TMEM132D: variants seen among roughly 807,000 people sequenced by gnomAD.
The protein encoded by TMEM132D is transmembrane protein 132D.
In TMEM132D, 21 loss-of-function variants were observed where a neutral mutation model predicts 62.3. The observed-to-expected ratio is 0.34, with a 90% CI of 0.24 to 0.49. The LOEUF (loss-of-function observed/expected upper bound fraction) is 0.49. TMEM132D is among the 20% of genes least tolerant of loss of function. The pLI is 0.99. For missense variants in TMEM132D, 1,346 were observed against 1,402.8 expected, an observed-to-expected ratio of 0.96 and a Z score of 0.65; for synonymous variants, 621 against 575.6, an observed-to-expected ratio of 1.08 and a Z score of -1.13.
chr12:129,621,030 T>C (rs1191154895), intron 2 of TMEM132D, among the ~76,000 whole-genome samples: 4 of 152,164 alleles, frequency 2.6e-5, no homozygotes, highest in African/African-American at 9.7e-5. Context: ...CATGCCCAGA[T>C]CCAAGCCCGC....
chr12:129,132,944 T>A (rs1876421741), intron 5 of TMEM132D, among the ~76,000 whole-genome samples: 1 of 152,128 alleles, frequency 6.6e-6, no homozygotes, highest in South Asian at 2.1e-4. Context: ...CACGTTGGAT[T>A]TGACTCAGCA....
chr12:129,283,902 C>T (rs551451044), intron 4 of TMEM132D, among the ~76,000 whole-genome samples: 3 of 152,224 alleles, frequency 2.0e-5, no homozygotes, highest in Non-Finnish European at 4.4e-5. Context: ...CCCCCTGACC[C>T]CTTGAATATG....
intron 2 of TMEM132D, 93 bp from the exon 3 acceptor site, chr12:129,531,298 G>A (rs1202294489): frequency 3.0e-5 from 43 of 1,436,036 alleles, no homozygotes; most frequent in Non-Finnish European, 3.8e-5. Flanking sequence ...ATTGCTCACC[G>A]TTGCCTGGCA....
intron 5 of TMEM132D, among the ~76,000 whole-genome samples, chr12:129,178,564 A>G (rs539986924): frequency 6.6e-6 from 1 of 152,246 alleles, no homozygotes; most frequent in African/African-American, 2.4e-5. Flanking sequence ...AAATTAAATA[A>G]AATAACATAA....
intron 2 of TMEM132D, among the ~76,000 whole-genome samples, chr12:129,611,846 C>T (rs921931771): frequency 1.3e-5 from 2 of 151,994 alleles, no homozygotes; most frequent in African/African-American, 4.8e-5. Context: ...TGAGCATAAA[C>T]CCTCAGCAAA....
At chr12:129,265,826 C>T (rs1479745240) in intron 4 of TMEM132D, among the ~76,000 whole-genome samples, 1 of 152,084 alleles carries the variant, frequency 6.6e-6, no homozygotes, top group African/African-American at 2.4e-5. Context: ...CAAATTTCTA[C>T]CTCCTCCCCT....
chr12:129,096,860 T>G (rs1875132038), intron 5 of TMEM132D, among the ~76,000 whole-genome samples: 1 of 152,190 alleles, frequency 6.6e-6, no homozygotes, highest in African/African-American at 2.4e-5. Context: ...AACAGAACAT[T>G]TTTACACAAC....
chr12:129,614,514 T>C (rs1461771487), intron 2 of TMEM132D, among the ~76,000 whole-genome samples: 1 of 152,214 alleles, frequency 6.6e-6, no homozygotes, highest in Admixed American at 6.5e-5. Flanking sequence ...TCCCTCTTAG[T>C]TCAAACAGTT....
chr12:129,242,726 A>G (rs545583773), intron 4 of TMEM132D, among the ~76,000 whole-genome samples: 7 of 141,708 alleles, frequency 4.9e-5, no homozygotes, highest in African/African-American at 1.6e-4. Flanking sequence ...TCTTCCTTCA[A>G]TTTTTCTTCT....
At chr12:129,286,511 C>G (rs940657281) in intron 4 of TMEM132D, among the ~76,000 whole-genome samples, 1 of 152,144 alleles carries the variant, frequency 6.6e-6, no homozygotes, top group African/African-American at 2.4e-5. Flanking sequence ...GGTAATCACA[C>G]TATGAGATTC....
chr12:129,348,217 G>A (rs972638479), intron 3 of TMEM132D, among the ~76,000 whole-genome samples: 14 of 152,060 alleles, frequency 9.2e-5, no homozygotes, highest in African/African-American at 3.1e-4. Context: ...ATATACCCAA[G>A]GGATTATAAA....
intron 5 of TMEM132D, among the ~76,000 whole-genome samples, chr12:129,113,817 C>CATTCTTG (rs1657108142): frequency 6.6e-6 from 1 of 151,812 alleles, no homozygotes; most frequent in Non-Finnish European, 1.5e-5. Context: ...TGGCCTGGGG[C>CATTCTTG]ATTCTTGGCT....
intron 2 of TMEM132D, among the ~76,000 whole-genome samples, chr12:129,652,055 G>A (rs1463784120): frequency 6.6e-6 from 1 of 152,178 alleles, no homozygotes; most frequent in Non-Finnish European, 1.5e-5. Flanking sequence ...AGGACCTGCA[G>A]CTCTCAGTCA....
At chr12:129,096,374 G>A (rs879333731) in intron 5 of TMEM132D, among the ~76,000 whole-genome samples, 5 of 152,244 alleles carry the variant, frequency 3.3e-5, no homozygotes, top group Middle Eastern at 3.4e-3. Context: ...ATCTGTGAAG[G>A]AGGAAGGGAA....
At chr12:129,780,134 G>A (rs538663399) in intron 1 of TMEM132D, among the ~76,000 whole-genome samples, 9 of 152,174 alleles carry the variant, frequency 5.9e-5, no homozygotes, top group South Asian at 2.1e-4. Context: ...GATGTGTCTC[G>A]CCCAAACCAT....
rs113086713 is a variant in TMEM132D, at chr12:129,771,526, G to A, written c.80-70828C>T. Among the ~76,000 whole-genome samples the A allele has an allele frequency of 7.8e-4, 119 of 152,088 alleles. 1 individual carries two copies. Among genetic ancestry groups the A allele is most frequent in the Middle Eastern group, 3.4e-3 (1 of 294 alleles). On this transcript the variant is annotated intron_variant, in intron 1 of 8. Coordinates refer to ENST00000422113, the MANE Select transcript of TMEM132D (RefSeq NM_133448.3). ...TGCAGCTATTCATCTTGCCACTGCC[G>A]GTTGCCTATTTGCAAACTGGGGCCA... is the stretch of plus-strand genomic sequence containing the variant.
At chr12:129,140,926 T>C (rs777186855) in intron 5 of TMEM132D, among the ~76,000 whole-genome samples, 20 of 152,206 alleles carry the variant, frequency 1.3e-4, no homozygotes, top group Non-Finnish European at 2.1e-4. Flanking sequence ...AAGCATTCAT[T>C]TGTAAGCCCG....
In TMEM132D at chr12:129,748,199, G is replaced by A. The variant is rs115628205; in HGVS notation, c.80-47501C>T. Among the ~76,000 whole-genome samples, 1,061 of 152,324 alleles carry A rather than the reference G, an allele frequency of 7.0e-3. 13 individuals are homozygous for A. The highest frequency in any genetic ancestry group is 0.023 in the African/African-American group (947 of 41,568). ...TGGCCATCTCTGCCTGCTGGAATTA[G>A]AGAATGATACAAAAAGGCATTTGAG... On this transcript the variant is annotated intron_variant, in intron 1 of 8. Transcript: ENST00000422113.
chr12:129,099,872 C>T (rs1875243956), intron 5 of TMEM132D, among the ~76,000 whole-genome samples: 3 of 138,532 alleles, frequency 2.2e-5, no homozygotes, highest in Admixed American at 2.0e-4. Context: ...GTCGCCCAGG[C>T]TGGAGTGCAG....
Sources: gnomAD v4.1 joint callset for allele counts (sites outside exome capture counted in the v4.1 genomes callset) on GRCh38, gnomAD v4.1.1 for gene constraint, MANE v1.5 for transcripts, NCBI Gene and HGNC (gene_info 2026-07-23, HGNC 2026-07-21) for gene names.